FOXN3: variants seen among roughly 807,000 people sequenced by gnomAD.
The protein encoded by FOXN3 is forkhead box protein N3.
Under a neutral mutation model 38.4 loss-of-function variants are expected in FOXN3, and 7 were observed. The ratio of observed to expected loss-of-function variants is 0.18; its 90% CI spans 0.10 to 0.34. The LOEUF (loss-of-function observed/expected upper bound fraction) is 0.34, where lower values mean the gene tolerates loss of function less well. Ranked by LOEUF, FOXN3 falls within the 10% of genes least tolerant of loss-of-function variation. The pLI is 1.00. For missense variants in FOXN3, 456 were observed against 613.4 expected (o/e 0.74, Z 2.71); for synonymous variants, 230 against 242.2 (o/e 0.95, Z 0.47).
intron 1 of FOXN3, among the ~76,000 whole-genome samples, chr14:89,487,016 GA>G (rs1430048969): frequency 6.6e-6 from 1 of 151,970 alleles, no homozygotes; most frequent in African/African-American, 2.4e-5. Flanking sequence ...CTACATAAAG[GA>G]AAAACATCAG....
chr14:89,419,572 C>G (rs1891848417), upstream of FOXN3: 1 of 190,906 alleles, frequency 5.2e-6, no homozygotes, highest in South Asian at 8.9e-5. Context: ...CACTTATTTC[C>G]TGATAGAGGA....
At chr14:89,603,638 C>A (rs897743944) in intron 1 of FOXN3, among the ~76,000 whole-genome samples, 2 of 152,158 alleles carry the variant, frequency 1.3e-5, no homozygotes, top group African/African-American at 4.8e-5. Flanking sequence ...GAGTAAGTAC[C>A]TGTCCAATCC....
intron 3 of FOXN3, among the ~76,000 whole-genome samples, chr14:89,316,729 G>A (rs1015454539): frequency 2.7e-5 from 4 of 150,240 alleles, no homozygotes; most frequent in African/African-American, 9.9e-5. Context: ...GCAATGGTGC[G>A]ATCTTGGCTC....
chr14:89,558,779 G>A (rs1454946029), intron 1 of FOXN3, among the ~76,000 whole-genome samples: 1 of 152,152 alleles, frequency 6.6e-6, no homozygotes, highest in Non-Finnish European at 1.5e-5. Context: ...AGCAGGTTGG[G>A]TACACCATTG....
intron 2 of FOXN3, among the ~76,000 whole-genome samples, chr14:89,385,725 T>A (rs1281923985): frequency 6.6e-6 from 1 of 152,176 alleles, no homozygotes; most frequent in African/African-American, 2.4e-5. Context: ...GAGAATTGCT[T>A]GAACCCAGGA....
intron 3 of FOXN3, among the ~76,000 whole-genome samples, chr14:89,324,452 G>A (rs1887986151): frequency 1.8e-5 from 2 of 112,384 alleles, no homozygotes; most frequent in African/African-American, 7.1e-5. Context: ...GCGTGTGTGT[G>A]TGTGTGTGTG....
At chr14:89,381,351 A>AACCT (rs1307403922) in intron 2 of FOXN3, among the ~76,000 whole-genome samples, 1 of 151,802 alleles carries the variant, frequency 6.6e-6, no homozygotes. Context: ...AGGCCTACAA[A>AACCT]ATCACACAGA....
At chr14:89,377,019 T>TAAAAAAAAAAAAAAA (rs1566971975) in intron 2 of FOXN3, among the ~76,000 whole-genome samples, 1 of 17,016 alleles carries the variant, frequency 5.9e-5, no homozygotes, top group Non-Finnish European at 1.2e-4. Context: ...AGACTCTGTC[T>TAAAAAAAAAAAAAAA]CAAAAAAAAA....
intron 1 of FOXN3, among the ~76,000 whole-genome samples, chr14:89,603,279 G>T (rs528945448): frequency 5.7e-4 from 86 of 152,190 alleles, no homozygotes; most frequent in Non-Finnish European, 1.0e-3. Context: ...ATGCCAAGTA[G>T]TTGGCTTGCT....
chr14:89,485,149 C>CAAAA (rs3057954), intron 1 of FOXN3, among the ~76,000 whole-genome samples: 2 of 129,066 alleles, frequency 1.5e-5, no homozygotes, highest in Non-Finnish European at 3.2e-5. Flanking sequence ...AAGACTCTCT[C>CAAAA]AAAAAAAAAA....
chr14:89,481,921 A>G (rs992204163), intron 1 of FOXN3, among the ~76,000 whole-genome samples: 2 of 152,184 alleles, frequency 1.3e-5, no homozygotes, highest in Non-Finnish European at 2.9e-5. Flanking sequence ...TGGTAATTAT[A>G]TGGGGTAAAC....
intron 1 of FOXN3, among the ~76,000 whole-genome samples, chr14:89,468,651 T>C (rs192911050): frequency 3.9e-5 from 6 of 152,280 alleles, no homozygotes; most frequent in Admixed American, 3.3e-4. Flanking sequence ...CAAATATGTA[T>C]TGCTATTATT....
chr14:89,401,034 A>C (rs1891230780), intron 2 of FOXN3, among the ~76,000 whole-genome samples: 1 of 152,208 alleles, frequency 6.6e-6, no homozygotes, highest in African/African-American at 2.4e-5. Flanking sequence ...CTCAGCACCC[A>C]AAACAGTGCC....
chr14:89,411,908 C>A (rs1192846776), intron 2 of FOXN3, 26 bp downstream of exon 2: 5 of 1,301,778 alleles, frequency 3.8e-6, no homozygotes, highest in South Asian at 2.8e-5. Flanking sequence ...AAAAGAAAAC[C>A]TTGGGTTCCA....
rs74077104 is a variant in FOXN3 at position 89,197,610 on chromosome 14, C to T, written c.746-16804G>A. 5.6e-3 allele frequency among the ~76,000 whole-genome samples: 846 copies of T among 152,170 alleles called. 8 individuals carry two copies. Among genetic ancestry groups the T allele is most frequent in the African/African-American group, 0.019 (789 of 41,518 alleles). On this transcript the variant is annotated intron_variant, in intron 4 of 5. Coordinates refer to ENST00000557258, the MANE Select transcript of FOXN3 (RefSeq NM_005197.4). ...TCCAGAGTGCTGGATAGTTAGTGAA[C>T]AAGTAAATGGATGGCTTGTCCAATC...
At chr14:89,280,149 C>A (rs1292833866) in intron 4 of FOXN3, among the ~76,000 whole-genome samples, 1 of 152,182 alleles carries the variant, frequency 6.6e-6, no homozygotes, top group Non-Finnish European at 1.5e-5. Flanking sequence ...AGCTCGAAGG[C>A]CCCGGGAACC....
chr14:89,189,220 G>A (rs992460317), intron 4 of FOXN3, among the ~76,000 whole-genome samples: 8 of 152,166 alleles, frequency 5.3e-5, no homozygotes, highest in African/African-American at 1.9e-4. Context: ...CGGATGGCCT[G>A]GAACTCCACG....
chr14:89,316,094 A>G (rs1468706083), intron 3 of FOXN3, among the ~76,000 whole-genome samples: 4 of 152,340 alleles, frequency 2.6e-5, no homozygotes, highest in East Asian at 1.9e-4. Flanking sequence ...TTGACTTGCT[A>G]CAGCCAATAG....
At chr14:89,204,052 TACACACACACACACACACACAC>T (rs10559428) in intron 4 of FOXN3, among the ~76,000 whole-genome samples, 72 of 133,758 alleles carry the variant, frequency 5.4e-4, no homozygotes, top group African/African-American at 1.2e-3. Flanking sequence ...CATACTCCCT[TACACACACACACACACACACAC>T]ACACACACAC....
Sources: gnomAD v4.1 joint callset for allele counts (sites outside exome capture counted in the v4.1 genomes callset) on GRCh38, gnomAD v4.1.1 for gene constraint, MANE v1.5 for transcripts, NCBI Gene and HGNC (gene_info 2026-07-23, HGNC 2026-07-21) for gene names.